GALNTL6: variants seen among roughly 807,000 people sequenced by gnomAD.
The protein encoded by GALNTL6 is polypeptide N-acetylgalactosaminyltransferase like 6.
A neutral mutation model predicts 73.7 loss-of-function variants in GALNTL6; 46 were observed. The observed-to-expected ratio is 0.62, with a 90% CI of 0.49 to 0.80. GALNTL6 has a LOEUF of 0.80. Ranked by LOEUF, GALNTL6 falls within the 30% of genes least tolerant of loss-of-function variation. GALNTL6 has a pLI of 0.00. For missense variants in GALNTL6, 604 were observed against 755.0 expected (o/e 0.80, Z 2.34); for synonymous variants, 259 against 263.7 (o/e 0.98, Z 0.17).
chr4:172,500,313 C>T (rs994649730), intron 5 of GALNTL6, among the ~76,000 whole-genome samples: 2 of 151,990 alleles, frequency 1.3e-5, no homozygotes, highest in Non-Finnish European at 2.9e-5. Context: ...GCCAGCTACT[C>T]CAAAGGCTGA....
chr4:172,606,767 G>T (rs1738321369), intron 5 of GALNTL6, among the ~76,000 whole-genome samples: 2 of 148,594 alleles, frequency 1.3e-5, no homozygotes, highest in Non-Finnish European at 3.0e-5. Context: ...TGATGGCAAG[G>T]ATCTGAACTA....
chr4:172,717,345 T>G (rs1475036143), intron 5 of GALNTL6, among the ~76,000 whole-genome samples: 1 of 152,242 alleles, frequency 6.6e-6, no homozygotes, highest in Non-Finnish European at 1.5e-5. Flanking sequence ...TTTGCTACAC[T>G]TGACTCAAAT....
At chr4:172,555,789 A>G in intron 5 of GALNTL6, among the ~76,000 whole-genome samples, 2 of 152,230 alleles carry the variant, frequency 1.3e-5, no homozygotes, top group South Asian at 2.1e-4. Flanking sequence ...TTTAACTCTA[A>G]GATTGGGTAA....
intron 9 of GALNTL6, 54 bp from the exon 10 acceptor site, chr4:172,951,983 C>A: frequency 1.4e-6 from 2 of 1,431,590 alleles, no homozygotes; most frequent in Non-Finnish European, 1.9e-6. Flanking sequence ...CAACAAAAAA[C>A]ACCTTTTGAA....
At chr4:171,889,069 G>C (rs951898624) in intron 2 of GALNTL6, among the ~76,000 whole-genome samples, 1 of 152,076 alleles carries the variant, frequency 6.6e-6, no homozygotes, top group African/African-American at 2.4e-5. Context: ...ATCACAACTT[G>C]CTGGGGTCTC....
intron 5 of GALNTL6, among the ~76,000 whole-genome samples, chr4:172,787,327 A>T (rs2110916673): frequency 6.6e-6 from 1 of 152,324 alleles, no homozygotes; most frequent in East Asian, 1.9e-4. Context: ...TGCCAGTTTC[A>T]GATAGATCAG....
At chr4:171,814,358 A>G (rs954327978) in intron 1 of GALNTL6, 54 bp from the exon 2 acceptor site, 13 of 592,638 alleles carry the variant, frequency 2.2e-5, no homozygotes, top group Non-Finnish European at 3.6e-5. Context: ...GCCAATAGAT[A>G]ATGCCTTCGT....
intron 2 of GALNTL6, among the ~76,000 whole-genome samples, chr4:172,083,482 A>G (rs1482131398): frequency 6.6e-6 from 1 of 152,160 alleles, no homozygotes; most frequent in African/African-American, 2.4e-5. Context: ...ACAATATCAT[A>G]CTCAAGAATG....
chr4:172,605,673 G>A (rs947189163), intron 5 of GALNTL6, among the ~76,000 whole-genome samples: 2 of 151,974 alleles, frequency 1.3e-5, no homozygotes, highest in South Asian at 2.1e-4. Flanking sequence ...AAAAGTATGC[G>A]GTTTGGTATG....
Position 173,041,420 on chromosome 4 carries a change from AT to A in GALNTL6, c.*1321del, listed in dbSNP as rs1448630847. 6.6e-6 allele frequency: 1 copy of A among 152,186 alleles called. No individual in the cohort carries two copies. The highest frequency in any genetic ancestry group is 1.5e-5 in the Non-Finnish European group (1 of 68,030). The allele number at this position is 152,186 out of a possible 1,614,324, so 9.4% of individuals were successfully genotyped here. On this transcript the variant is annotated 3_prime_UTR_variant, in exon 13 of 13. Transcript: ENST00000506823. The stretch of plus-strand genomic sequence containing the variant: ...CACATTGGGGGAAGAAAACACAGGT[AT>A]CAAGGTGGTTCTTGGGAAAAAAGAA...
intron 5 of GALNTL6, among the ~76,000 whole-genome samples, chr4:172,674,422 A>G (rs905344048): frequency 6.6e-6 from 1 of 152,098 alleles, no homozygotes; most frequent in Non-Finnish European, 1.5e-5. Context: ...GACCATGGAA[A>G]ATCTGATGAT....
In GALNTL6 at chr4:172,201,269, C is replaced by T. The variant is rs920321203; in HGVS notation, c.139-28387C>T. The stretch of plus-strand genomic sequence containing the variant: ...GTCCCCAGGCTGGAGTTCAGTGGCA[C>T]GATCTTGGCTCACTGCAACCTCCGC... On this transcript the variant is annotated intron_variant, in intron 2 of 12. Coordinates refer to ENST00000506823, the MANE Select transcript of GALNTL6 (RefSeq NM_001034845.3). Among the ~76,000 whole-genome samples the T allele has an allele frequency of 3.3e-5, 5 of 151,692 alleles. No individual in the cohort carries two copies. The South Asian group carries it at 8.3e-4, about 25-fold the overall frequency.
chr4:172,581,928 T>C (rs1359674401), intron 5 of GALNTL6, among the ~76,000 whole-genome samples: 1 of 152,206 alleles, frequency 6.6e-6, no homozygotes, highest in Non-Finnish European at 1.5e-5. Context: ...TTGCCTTTTT[T>C]TCTTGGCTTC....
At chr4:172,552,836 G>GAAAAAAAAAAAAAAA (rs1736003479) in intron 5 of GALNTL6, among the ~76,000 whole-genome samples, 1 of 2,854 alleles carries the variant, frequency 3.5e-4, no homozygotes, top group African/African-American at 2.3e-3. Context: ...AGTAATTGCA[G>GAAAAAAAAAAAAAAA]TAAAAAAAAA....
intron 2 of GALNTL6, among the ~76,000 whole-genome samples, chr4:172,130,181 A>ATTTTT (rs34151025): frequency 3.1e-5 from 4 of 130,250 alleles, no homozygotes; most frequent in African/African-American, 8.7e-5. Flanking sequence ...TCATTACAGA[A>ATTTTT]TTTTTTTTTT....
Position 172,721,075 on chromosome 4 carries a change from G to A in GALNTL6, c.554-88286G>A, listed in dbSNP as rs553866523. On this transcript the variant is annotated intron_variant, in intron 5 of 12. Transcript: ENST00000506823. ...TTCGGGAACTATAAAAATGTATTCA[G>A]TAATAGAAGTGCATAAAAAGGATGA... Among the ~76,000 whole-genome samples, 27 of 152,294 alleles carry A rather than the reference G, an allele frequency of 1.8e-4. No individual in the cohort carries two copies. The South Asian group carries it at 5.6e-3, about 32-fold the overall frequency.
At chr4:171,974,239 A>G (rs1175605768) in intron 2 of GALNTL6, among the ~76,000 whole-genome samples, 1 of 152,136 alleles carries the variant, frequency 6.6e-6, no homozygotes. Context: ...GACTTGCAAA[A>G]TATTCTAGTA....
intron 10 of GALNTL6, among the ~76,000 whole-genome samples, chr4:172,981,820 T>A (rs1054372649): frequency 4.6e-5 from 6 of 130,658 alleles, no homozygotes; most frequent in South Asian, 2.4e-4. Context: ...TTTTTTTTTT[T>A]AGATGGAGTT....
intron 10 of GALNTL6, among the ~76,000 whole-genome samples, chr4:172,952,808 G>T (rs1009067910): frequency 7.2e-5 from 11 of 152,150 alleles, no homozygotes; most frequent in Non-Finnish European, 1.5e-4. Flanking sequence ...GAGCCACTAT[G>T]CCTGGCCATA....
Sources: allele counts gnomAD v4.1 joint callset (sites outside exome capture counted in the v4.1 genomes callset), GRCh38; gene constraint gnomAD v4.1.1; transcripts MANE v1.5; gene names NCBI Gene and HGNC (gene_info 2026-07-23, HGNC 2026-07-21).